Variants in PCDHGB3 observed in about 807,000 individuals in gnomAD.
PCDHGB3 encodes protocadherin gamma-B3.
In PCDHGB3, 40 loss-of-function variants were observed where a neutral mutation model predicts 59.2. The observed-to-expected ratio is 0.68, with a 90% CI of 0.52 to 0.88. The LOEUF is 0.88. Among genes scored for constraint, PCDHGB3 ranks in the 40% least tolerant of loss-of-function variants. The pLI, the probability that PCDHGB3 is intolerant of heterozygous loss-of-function variation, is 0.00. For missense variants in PCDHGB3, 1,309 were observed against 1,187.9 expected, an observed-to-expected ratio of 1.10 and a Z score of -1.50; for synonymous variants, 581 against 503.6, an observed-to-expected ratio of 1.15 and a Z score of -2.06.
In PCDHGB3 at chr5:141,431,931, C is replaced by T. The variant is rs2097430107; in HGVS notation, c.2415+59122C>T. ...ATCTGTTTCATCCAAGGAAATCTGCCCTTTAAATTAGAAAAATCTTACGGA... is the reference window on the plus strand; with the variant it reads ...ATCTGTTTCATCCAAGGAAATCTGCTCTTTAAATTAGAAAAATCTTACGGA... On this transcript the variant is annotated intron_variant, in intron 1 of 3. Transcript: ENST00000576222. This position sits in a 1 kb window ranked among gnomAD's most constrained non-coding sequence, Gnocchi z 4.8. The T allele has an allele frequency of 6.2e-7, 1 of 1,613,924 alleles. No homozygotes were observed. Among genetic ancestry groups the T allele is most frequent in the Admixed American group, 1.7e-5 (1 of 59,986 alleles).
intron 1 of PCDHGB3, chr5:141,414,951 G>A (rs1411406878): frequency 5.6e-6 from 9 of 1,614,092 alleles, no homozygotes; most frequent in Non-Finnish European, 7.6e-6. Flanking sequence ...GCTACCTGGT[G>A]ACCAAGGTGG....
intron 1 of PCDHGB3, among the ~76,000 whole-genome samples, chr5:141,481,293 TC>T (rs2099535148): frequency 6.6e-6 from 1 of 152,174 alleles, no homozygotes; most frequent in South Asian, 2.1e-4. Context: ...ATTTCAGTCA[TC>T]TAAGGGAAAA....
intron 1 of PCDHGB3, chr5:141,388,978 CT>C (rs1389375857): frequency 6.2e-7 from 1 of 1,613,972 alleles, no homozygotes; most frequent in East Asian, 2.2e-5. Flanking sequence ...ACACATATTG[CT>C]TTGCTCAAAG....
At chr5:141,418,817 G>A (rs2154547923) in intron 1 of PCDHGB3, 1 of 1,613,882 alleles carries the variant, frequency 6.2e-7, no homozygotes, top group Non-Finnish European at 8.5e-7. Flanking sequence ...GATAAACATA[G>A]AAGCAAAAGA....
chr5:141,405,108 G>A, intron 1 of PCDHGB3: 1 of 1,613,960 alleles, frequency 6.2e-7, no homozygotes, highest in Non-Finnish European at 8.5e-7. Flanking sequence ...CTGAGGCACT[G>A]GCACTCCTCG....
At chr5:141,375,105 A>C (rs371346343) in intron 1 of PCDHGB3, 14 of 1,613,840 alleles carry the variant, frequency 8.7e-6, no homozygotes, top group African/African-American at 2.7e-5. Context: ...TTGGATGTCA[A>C]TGATAATGTA....
chr5:141,433,837 C>CAAAAAAAAAAAAAAA (rs56191208), intron 1 of PCDHGB3, among the ~76,000 whole-genome samples: 1 of 111,692 alleles, frequency 9.0e-6, no homozygotes. Flanking sequence ...AACTCTATCT[C>CAAAAAAAAAAAAAAA]AAAAAAAAAA....
At chr5:141,383,138 G>A (rs538619604) in intron 1 of PCDHGB3, 56 of 1,614,132 alleles carry the variant, frequency 3.5e-5, no homozygotes, top group Admixed American at 2.7e-4. Flanking sequence ...CTGAACCAGC[G>A]CAGCGGCAGC....
At chr5:141,422,886 G>A in intron 1 of PCDHGB3, 1 of 1,614,260 alleles carries the variant, frequency 6.2e-7, no homozygotes, top group Non-Finnish European at 8.5e-7. Flanking sequence ...GCCTGTTCGT[G>A]CTGGACCAGA....
chr5:141,472,465 A>C (rs886879646), intron 1 of PCDHGB3, among the ~76,000 whole-genome samples: 4 of 152,032 alleles, frequency 2.6e-5, no homozygotes, highest in Non-Finnish European at 5.9e-5. Flanking sequence ...GCTTGAACCC[A>C]GAAGGCAGAG....
intron 1 of PCDHGB3, chr5:141,441,118 G>C (rs1265461098): frequency 6.6e-6 from 1 of 152,212 alleles, no homozygotes; most frequent in Non-Finnish European, 1.5e-5. Flanking sequence ...CCAGTGTACA[G>C]TTGAGACCGA....
At chr5:141,404,044 A>G (rs752955570) in intron 1 of PCDHGB3, 3 of 1,613,936 alleles carry the variant, frequency 1.9e-6, no homozygotes, top group South Asian at 1.1e-5. Context: ...CTCAGGGAAC[A>G]GTAATTCTTC....
At chr5:141,428,220 C>T (rs1228544858) in intron 1 of PCDHGB3, 1 of 1,178,786 alleles carries the variant, frequency 8.5e-7, no homozygotes. Flanking sequence ...ACCTAGTCTT[C>T]GCAGACAGCC....
At chr5:141,395,538 T>C (rs1459118809) in intron 1 of PCDHGB3, 1 of 225,772 alleles carries the variant, frequency 4.4e-6, no homozygotes, top group Non-Finnish European at 7.1e-6. Context: ...AATTTTGCTA[T>C]TGTTTGTGTG....
At chr5:141,407,956 A>G (rs2095008608) in intron 1 of PCDHGB3, 1 of 645,868 alleles carries the variant, frequency 1.5e-6, no homozygotes, top group African/African-American at 1.8e-5. Flanking sequence ...CGGCCAGTGC[A>G]GAGCAAGCGC....
Position 141,428,104 on chromosome 5 carries a change from T to C in PCDHGB3, c.2415+55295T>C, listed in dbSNP as rs751953406. ...AACGCTTGGCTGTCCTACCACGTGCTGCAGGCCATCGAGCCCGGGCTTTTC... is the reference window on the plus strand; with the variant it reads ...AACGCTTGGCTGTCCTACCACGTGCCGCAGGCCATCGAGCCCGGGCTTTTC... On this transcript the variant is annotated intron_variant, in intron 1 of 3. Coordinates refer to ENST00000576222, the MANE Select transcript of PCDHGB3 (RefSeq NM_018924.5). The C allele has an allele frequency of 1.9e-6, 3 of 1,608,398 alleles. No individual in the cohort carries two copies. The South Asian group carries it at 3.3e-5, about 18-fold the overall frequency.
intron 1 of PCDHGB3, chr5:141,475,956 G>T (rs2099382674): frequency 2.5e-6 from 2 of 805,186 alleles, no homozygotes; most frequent in South Asian, 1.9e-5. Flanking sequence ...TCTGCGCCCC[G>T]GGATGAGGCA....
rs761731200 is a variant in PCDHGB3, at chr5:141,477,252, T to C, written c.2416-17555T>C. The C allele has an allele frequency of 1.2e-6, 2 of 1,614,182 alleles. No homozygotes were observed. The highest frequency in any genetic ancestry group is 8.5e-7 in the Non-Finnish European group (1 of 1,180,034). ...ATCGCTTTGCTCAGTGTGACTGACCTGGATGCTGGCGAGAACGGGCTGGTG... is the reference window on the plus strand; with the variant it reads ...ATCGCTTTGCTCAGTGTGACTGACCCGGATGCTGGCGAGAACGGGCTGGTG... On this transcript the variant is annotated intron_variant, in intron 1 of 3. Transcript: ENST00000576222. The surrounding 1 kb of genome is among the most constrained non-coding windows in gnomAD (Gnocchi z 4.9).
chr5:141,372,442 A>T lies in PCDHGB3; in HGVS notation c.2048A>T (p.Asp683Val). 1 of 1,613,914 alleles carries T rather than the reference A, an allele frequency of 6.2e-7. No individual in the cohort carries two copies. The highest frequency in any genetic ancestry group is 1.1e-5 in the South Asian group (1 of 91,086). The change falls in exon 1 of 4, where the codon GAC becomes GTC. Residue 683 changes from aspartate to valine, a missense_variant. Transcript: ENST00000576222. ...CTTAGCGACCGCCCCACTCCCTCTG[A>T]CCCTCAGGCGGAGCTACAGTTTCAC... Reference protein sequence around the residue: ...PDLSDRPTPSDPQAELQFHLV... With the variant: ...PDLSDRPTPSVPQAELQFHLV...
Sources: allele counts gnomAD v4.1 joint callset (sites outside exome capture counted in the v4.1 genomes callset), GRCh38; gene constraint gnomAD v4.1.1; non-coding constraint Gnocchi (gnomAD v3.1); transcripts MANE v1.5; gene names NCBI Gene and HGNC (gene_info 2026-07-23, HGNC 2026-07-21).